The following DENND5B variants were observed in gnomAD, a reference collection of about 807,000 sequenced individuals.
DENND5B encodes DENN domain-containing protein 5B.
Under a neutral mutation model 140.6 loss-of-function variants are expected in DENND5B, and 34 were observed. The observed-to-expected ratio is 0.24, with a 90% CI of 0.18 to 0.32. The LOEUF (loss-of-function observed/expected upper bound fraction) is 0.32. DENND5B is among the 10% of genes least tolerant of loss of function. DENND5B has a pLI of 1.00. For missense variants in DENND5B, 1,142 were observed against 1,560.2 expected (o/e 0.73, Z 4.52); for synonymous variants, 551 against 562.1 (o/e 0.98, Z 0.28).
chr12:31,482,784 C>G (rs1055728976), intron 2 of DENND5B, among the ~76,000 whole-genome samples: 1 of 152,114 alleles, frequency 6.6e-6, no homozygotes, highest in Non-Finnish European at 1.5e-5. Context: ...GATGTAACAG[C>G]CTGTTTCTGC....
At position 31,409,342 on chromosome 12, in the gene DENND5B, T is replaced by G; in HGVS notation, c.2724A>C (p.Glu908Asp). The G allele has an allele frequency of 6.4e-7, 1 of 1,564,964 alleles. No individual in the cohort carries two copies. Among genetic ancestry groups the G allele is most frequent in the Non-Finnish European group, 8.7e-7 (1 of 1,153,834 alleles). Residue 908 changes from glutamate to aspartate, a missense_variant, in exon 14 of 21, where the codon GAA becomes GAC. Coordinates refer to ENST00000389082, the MANE Select transcript of DENND5B (RefSeq NM_144973.4). ...KRYAFLRCEEEREQFLYHLLS... is the reference protein window; with the variant it reads ...KRYAFLRCEEDREQFLYHLLS... Reference sequence around the variant, plus strand: ...GAAGGTGGTAAAGAAACTGCTCTCTTTCTTCTTCGCAACGTAGAAAAGCAT... The same window carrying G: ...GAAGGTGGTAAAGAAACTGCTCTCTGTCTTCTTCGCAACGTAGAAAAGCAT...
intron 1 of DENND5B, among the ~76,000 whole-genome samples, chr12:31,585,157 A>T (rs1315182121): frequency 6.6e-6 from 1 of 152,150 alleles, no homozygotes; most frequent in East Asian, 1.9e-4. Context: ...CACCTCCAAC[A>T]TTAGGAATCA....
chr12:31,453,299 CAG>C (rs34450721), intron 4 of DENND5B, among the ~76,000 whole-genome samples: 20,730 of 152,002 alleles, frequency 0.14, 1,684 homozygotes, highest in Non-Finnish European at 0.19. Flanking sequence ...GAAGAGGTGA[CAG>C]AAATCAGAAG....
intron 1 of DENND5B, among the ~76,000 whole-genome samples, chr12:31,539,066 A>G (rs557118309): frequency 6.6e-6 from 1 of 152,078 alleles, no homozygotes. Context: ...TTCAACTGAT[A>G]CCACAGAAAT....
At chr12:31,469,967 T>C (rs909126950) in intron 3 of DENND5B, among the ~76,000 whole-genome samples, 6 of 152,080 alleles carry the variant, frequency 3.9e-5, no homozygotes, top group Non-Finnish European at 7.4e-5. Flanking sequence ...TATTTTTCTT[T>C]GAGACAGGGT....
chr12:31,401,753 C>A (rs184718315), intron 15 of DENND5B, among the ~76,000 whole-genome samples: 2 of 152,190 alleles, frequency 1.3e-5, no homozygotes, highest in South Asian at 4.2e-4. Flanking sequence ...CTTGCAAGTA[C>A]CCAGACTACA....
chr12:31,566,771 G>A (rs912001693), intron 1 of DENND5B, among the ~76,000 whole-genome samples: 2 of 152,310 alleles, frequency 1.3e-5, no homozygotes, highest in African/African-American at 4.8e-5. Flanking sequence ...TACATAGTAA[G>A]TACTATACAA....
chr12:31,535,571 C>G (rs1948464974), intron 1 of DENND5B, among the ~76,000 whole-genome samples: 1 of 152,182 alleles, frequency 6.6e-6, no homozygotes, highest in Admixed American at 6.5e-5. Flanking sequence ...CTCTACAAAT[C>G]CGCAAGAACC....
At chr12:31,483,938 C>G (rs1426422669) in intron 2 of DENND5B, among the ~76,000 whole-genome samples, 2 of 148,480 alleles carry the variant, frequency 1.3e-5, no homozygotes, top group Admixed American at 1.3e-4. Flanking sequence ...AATCTTGGCT[C>G]ACTGCAACCT....
At chr12:31,464,757 C>A (rs2682684) in intron 3 of DENND5B, among the ~76,000 whole-genome samples, 1 of 151,898 alleles carries the variant, frequency 6.6e-6, no homozygotes, top group African/African-American at 2.4e-5. Context: ...AAAGGGGTTT[C>A]GCCATGTTGG....
At chr12:31,399,525 C>T (rs534184424) in intron 16 of DENND5B, 129 bp downstream of exon 16, 42 of 637,860 alleles carry the variant, frequency 6.6e-5, no homozygotes, top group Non-Finnish European at 1.0e-4. Flanking sequence ...GTGATCCACC[C>T]GCCTTGGCCT....
intron 1 of DENND5B, 97 bp downstream of exon 1, chr12:31,590,609 T>A: frequency 7.7e-7 from 1 of 1,303,996 alleles, no homozygotes; most frequent in Non-Finnish European, 9.8e-7. Context: ...CACCGGGAGC[T>A]GACTTTGTCT....
chr12:31,442,871 T>G lies in DENND5B; in HGVS notation c.1916A>C (p.His639Pro). The change falls in exon 7 of 21, where the codon CAT becomes CCT. Residue 639 changes from histidine (H) to proline (P), a missense_variant. His to Pro is a moderately conservative substitution (Grantham distance 77, BLOSUM62 -2). Transcript: ENST00000389082. Reference protein sequence around the residue: ...MKMDHTAIHPHLLDMKIGQGK... With the variant: ...MKMDHTAIHPPLLDMKIGQGK... ...TTGACCAATTTTCATATCAAGTAGATGTGGGTGGATTGCAGTGTGATCCAT... is the reference window on the plus strand; with the variant it reads ...TTGACCAATTTTCATATCAAGTAGAGGTGGGTGGATTGCAGTGTGATCCAT... The G allele has an allele frequency of 6.2e-7, 1 of 1,609,722 alleles. No homozygotes were observed. Among genetic ancestry groups the G allele is most frequent in the Non-Finnish European group, 8.5e-7 (1 of 1,177,890 alleles).
chr12:31,553,988 G>A (rs1473159795), intron 1 of DENND5B, among the ~76,000 whole-genome samples: 1 of 152,120 alleles, frequency 6.6e-6, no homozygotes, highest in African/African-American at 2.4e-5. Flanking sequence ...CCTGAATACA[G>A]CACACTGATG....
intron 7 of DENND5B, among the ~76,000 whole-genome samples, chr12:31,437,617 G>A (rs545825694): frequency 2.0e-5 from 3 of 152,236 alleles, no homozygotes; most frequent in African/African-American, 4.8e-5. Context: ...CCATATGCAT[G>A]TTTAATATAT....
chr12:31,521,530 T>C (rs1947884525), intron 1 of DENND5B, among the ~76,000 whole-genome samples: 1 of 152,142 alleles, frequency 6.6e-6, no homozygotes, highest in Non-Finnish European at 1.5e-5. Flanking sequence ...GCTGATTGTA[T>C]TTCAATTAAA....
At chr12:31,425,075 G>A (rs1281196810) in intron 9 of DENND5B, among the ~76,000 whole-genome samples, 1 of 152,216 alleles carries the variant, frequency 6.6e-6, no homozygotes, top group Non-Finnish European at 1.5e-5. Context: ...CACTTTGGGA[G>A]GCCCAGGCAA....
intron 1 of DENND5B, among the ~76,000 whole-genome samples, chr12:31,503,898 C>A (rs999164659): frequency 6.6e-6 from 1 of 152,078 alleles, no homozygotes; most frequent in East Asian, 1.9e-4. Flanking sequence ...GACAGGTAAC[C>A]CCAGAAGCCT....
At chr12:31,524,569 C>A (rs1456635563) in intron 1 of DENND5B, among the ~76,000 whole-genome samples, 1 of 152,192 alleles carries the variant, frequency 6.6e-6, no homozygotes, top group Non-Finnish European at 1.5e-5. Flanking sequence ...AGGAGAATCG[C>A]TTGAACCTGG....
Sources: allele counts gnomAD v4.1 joint callset (sites outside exome capture counted in the v4.1 genomes callset), GRCh38; gene constraint gnomAD v4.1.1; transcripts MANE v1.5; gene names NCBI Gene and HGNC (gene_info 2026-07-23, HGNC 2026-07-21).